Variants in SSUH2 observed in about 807,000 individuals in gnomAD.
SSUH2 encodes protein SSUH2 homolog.
Under a neutral mutation model 55.3 loss-of-function variants are expected in SSUH2, and 47 were observed. The ratio of observed to expected loss-of-function variants is 0.85; its 90% CI spans 0.67 to 1.08. The LOEUF is 1.08. Among genes scored for constraint, SSUH2 ranks in the 50% least tolerant of loss-of-function variants. The pLI is 0.00. For missense variants in SSUH2, 535 were observed against 490.7 expected, an observed-to-expected ratio of 1.09 and a Z score of -0.85; for synonymous variants, 212 against 191.5, an observed-to-expected ratio of 1.11 and a Z score of -0.89.
intron 8 of SSUH2, 75 bp from the exon 9 acceptor site, chr3:8,626,396 C>T: frequency 9.3e-7 from 1 of 1,070,008 alleles, no homozygotes; most frequent in Non-Finnish European, 1.4e-6. Context: ...CCACCTGCAC[C>T]CCCTTCCTCC....
chr3:8,643,816 C>A (rs1483033131), intron 1 of SSUH2, among the ~76,000 whole-genome samples: 3 of 152,180 alleles, frequency 2.0e-5, no homozygotes, highest in Admixed American at 2.0e-4. Context: ...GCATTTTGCC[C>A]ACACCCTCAT....
At chr3:8,659,942 A>T (rs1006493446) in intron 6 of SSUH2, 7 of 380,802 alleles carry the variant, frequency 1.8e-5, no homozygotes, top group African/African-American at 8.4e-5. Flanking sequence ...AATGGAGTTC[A>T]TTAGGTGAAA....
At position 8,681,163 on chromosome 3, in the gene SSUH2, G is replaced by A. The variant is rs1033812804; in HGVS notation, c.-1046+728C>T. On this transcript the variant is annotated intron_variant, in intron 1 of 18. Coordinates refer to the SSUH2 transcript ENST00000317371. ...CTGCCTCTTAGGACTTCCATAGCAGGGGGGGGAGTCACCCCATGCAAGGCG... is the reference window on the plus strand; with the variant it reads ...CTGCCTCTTAGGACTTCCATAGCAGAGGGGGGAGTCACCCCATGCAAGGCG... Among the ~76,000 whole-genome samples the A allele has an allele frequency of 4.3e-5, 6 of 139,830 alleles. No homozygotes were observed. The South Asian group carries it at 1.1e-3, about 26-fold the overall frequency. The allele number at this position is 139,830 out of a possible 152,430, so 91.7% of individuals were successfully genotyped here.
intron 2 of SSUH2, among the ~76,000 whole-genome samples, chr3:8,677,675 A>G (rs954427891): frequency 2.0e-5 from 3 of 150,764 alleles, no homozygotes; most frequent in Non-Finnish European, 2.9e-5. Context: ...TCTCTAAACA[A>G]CTAGACAGGG....
At chr3:8,627,807 C>T in intron 7 of SSUH2, 24 bp from the exon 8 acceptor site, 1 of 1,589,310 alleles carries the variant, frequency 6.3e-7, no homozygotes, top group East Asian at 2.3e-5. Context: ...ACTGCCTCAG[C>T]CCCCGCTGGC....
At chr3:8,623,040 G>C (rs960238094) in intron 11 of SSUH2, among the ~76,000 whole-genome samples, 3 of 152,224 alleles carry the variant, frequency 2.0e-5, no homozygotes, top group Admixed American at 1.3e-4. Flanking sequence ...TGCAGCAGCA[G>C]CAGAAGGGGC....
At chr3:8,659,726 CATCCAT>C (rs1228633252) in intron 6 of SSUH2, 1 of 454,416 alleles carries the variant, frequency 2.2e-6, no homozygotes, top group Non-Finnish European at 4.4e-6. Context: ...TCTGTCCATC[CATCCAT>C]ATATGTATTC....
intron 5 of SSUH2, among the ~76,000 whole-genome samples, chr3:8,666,847 C>T (rs1289827708): frequency 6.6e-6 from 1 of 152,214 alleles, no homozygotes; most frequent in Non-Finnish European, 1.5e-5. Context: ...CCAAAAGCCC[C>T]TCTTTGGGTT....
intron 7 of SSUH2, among the ~76,000 whole-genome samples, chr3:8,656,204 A>G (rs1231094539): frequency 6.6e-6 from 1 of 152,238 alleles, no homozygotes; most frequent in Non-Finnish European, 1.5e-5. Flanking sequence ...GAAATTGAGA[A>G]ACTTAAACCT....
At chr3:8,634,295 C>T in intron 3 of SSUH2, 1 of 986,660 alleles carries the variant, frequency 1.0e-6, no homozygotes, top group Non-Finnish European at 1.4e-6. Context: ...ACCCTGAGGA[C>T]CGTGGGTGGG....
chr3:8,661,719 T>C (rs1703509800), intron 6 of SSUH2, among the ~76,000 whole-genome samples: 1 of 152,232 alleles, frequency 6.6e-6, no homozygotes, highest in Non-Finnish European at 1.5e-5. Context: ...GTATATGCAG[T>C]GGGTTGCATT....
intron 3 of SSUH2, among the ~76,000 whole-genome samples, chr3:8,673,110 T>C (rs985004228): frequency 3.3e-5 from 5 of 151,996 alleles, no homozygotes; most frequent in African/African-American, 9.7e-5. Flanking sequence ...ATTATTAATA[T>C]TAATATTAAT....
At chr3:8,657,333 G>A (rs1421015052) in intron 7 of SSUH2, among the ~76,000 whole-genome samples, 2 of 152,188 alleles carry the variant, frequency 1.3e-5, no homozygotes, top group African/African-American at 4.8e-5. Context: ...CAATCCAAAG[G>A]GTGGTACAAG....
intron 11 of SSUH2, among the ~76,000 whole-genome samples, chr3:8,620,678 G>A (rs1015477992): frequency 1.3e-4 from 20 of 152,178 alleles, no homozygotes; most frequent in Admixed American, 9.8e-4. Flanking sequence ...CAGGGTGTAC[G>A]GAAAGTCACC....
chr3:8,627,672 C>G, intron 8 of SSUH2, 26 bp downstream of exon 8: 1 of 1,424,004 alleles, frequency 7.0e-7, no homozygotes, highest in Non-Finnish European at 9.2e-7. Flanking sequence ...GAGCACTTCA[C>G]CGCGGTGCTG....
rs1696901318 is a variant in SSUH2 at position 8,623,598 on chromosome 3, A to G, written c.932T>C (p.Ile311Thr). 2 of 1,549,418 alleles carry G rather than the reference A, an allele frequency of 1.3e-6. No homozygotes were observed. Among genetic ancestry groups the G allele is most frequent in the Non-Finnish European group, 8.7e-7 (1 of 1,145,234 alleles). Residue 311 changes from isoleucine to threonine, a missense_variant, in exon 11 of 12, where the codon ATT becomes ACT. Physicochemically the swap from Ile to Thr is moderately conservative, Grantham distance 89. Coordinates refer to ENST00000544814, the MANE Select transcript of SSUH2 (RefSeq NM_001256748.3). ...RDISLASQRG[I>T]AEHSAALASR... ...GGCCAAGGCAGCGCTGTGCTCTGCA[A>G]TGCCCCTCTGGGAGGCAAGAGAGAT...
intron 1 of SSUH2, among the ~76,000 whole-genome samples, chr3:8,641,977 G>T (rs915497040): frequency 6.6e-6 from 1 of 152,184 alleles, no homozygotes; most frequent in African/African-American, 2.4e-5. Flanking sequence ...CCCAGACCAG[G>T]GCTCTCACTC....
chr3:8,652,798 C>A (rs139409072), intron 7 of SSUH2, among the ~76,000 whole-genome samples: 3 of 152,202 alleles, frequency 2.0e-5, no homozygotes, highest in Non-Finnish European at 1.5e-5. Flanking sequence ...GATGCCCCCT[C>A]CTCTAGGAAG....
At chr3:8,666,655 G>A (rs912277398) in intron 5 of SSUH2, among the ~76,000 whole-genome samples, 10 of 152,074 alleles carry the variant, frequency 6.6e-5, no homozygotes, top group East Asian at 1.9e-4. Context: ...CAGGGGTTTC[G>A]CCCACCACCA....
Sources: gnomAD v4.1 joint callset for allele counts (sites outside exome capture counted in the v4.1 genomes callset) on GRCh38, gnomAD v4.1.1 for gene constraint, MANE v1.5 for transcripts, NCBI Gene and HGNC (gene_info 2026-07-23, HGNC 2026-07-21) for gene names.